The following ROBO1 variants were observed in gnomAD, a reference collection of about 807,000 sequenced individuals.
ROBO1 encodes roundabout homolog 1.
In ROBO1, 149 loss-of-function variants were observed where a neutral mutation model predicts 195.9. That is an observed-to-expected ratio of 0.76 (90% CI 0.67 to 0.87). The LOEUF is 0.87. ROBO1 is among the 40% of genes least tolerant of loss of function. The probability of loss-of-function intolerance (pLI) is 0.00; values close to 1 mark genes in which losing one functional copy is unlikely to be tolerated. For missense variants in ROBO1, 1,933 were observed against 2,068.3 expected (o/e 0.93, Z 1.27); for synonymous variants, 816 against 733.2 (o/e 1.11, Z -1.82).
chr3:78,974,345 G>GA (rs941884296), intron 3 of ROBO1, among the ~76,000 whole-genome samples: 1 of 151,550 alleles, frequency 6.6e-6, no homozygotes, highest in Admixed American at 6.6e-5. Context: ...AAAAGAAGAA[G>GA]AAAAAAAAGG....
intron 1 of ROBO1, among the ~76,000 whole-genome samples, chr3:79,651,208 T>C (rs553301272): frequency 2.6e-5 from 4 of 152,240 alleles, no homozygotes; most frequent in Admixed American, 2.0e-4. Flanking sequence ...CATTAGCTCT[T>C]AGGAGAAGAA....
chr3:79,545,161 G>C (rs762789832), intron 2 of ROBO1, among the ~76,000 whole-genome samples: 2 of 152,124 alleles, frequency 1.3e-5, no homozygotes, highest in Non-Finnish European at 2.9e-5. Context: ...ATAAACTGCA[G>C]AGTTCCAAGG....
intron 2 of ROBO1, among the ~76,000 whole-genome samples, chr3:79,365,629 G>T (rs933970871): frequency 1.1e-4 from 16 of 152,108 alleles, no homozygotes; most frequent in Non-Finnish European, 2.4e-4. Context: ...CGGGCACGGT[G>T]GCTTAAGCCT....
At chr3:79,431,244 T>G (rs2107030469) in intron 2 of ROBO1, among the ~76,000 whole-genome samples, 1 of 152,272 alleles carries the variant, frequency 6.6e-6, no homozygotes, top group Non-Finnish European at 1.5e-5. Flanking sequence ...GTCTTCATGC[T>G]GTTTCCCAAA....
intron 2 of ROBO1, among the ~76,000 whole-genome samples, chr3:79,464,669 T>G (rs1333938622): frequency 1.3e-5 from 2 of 152,236 alleles, no homozygotes; most frequent in Non-Finnish European, 2.9e-5. Flanking sequence ...GATTTGCATA[T>G]ATTTTTCCCA....
chr3:78,655,258 A>G (rs999539985), intron 18 of ROBO1, among the ~76,000 whole-genome samples: 3 of 152,178 alleles, frequency 2.0e-5, no homozygotes, highest in African/African-American at 7.2e-5. Context: ...TTTTTCCCTA[A>G]AAGCTTGAAT....
chr3:79,099,663 A>T (rs572391534), intron 3 of ROBO1, among the ~76,000 whole-genome samples: 1 of 151,964 alleles, frequency 6.6e-6, no homozygotes, highest in Non-Finnish European at 1.5e-5. Flanking sequence ...CCATCATTTA[A>T]AAATAAGAAT....
chr3:79,305,933 A>G (rs1283507499), intron 2 of ROBO1, among the ~76,000 whole-genome samples: 1 of 152,200 alleles, frequency 6.6e-6, no homozygotes, highest in Non-Finnish European at 1.5e-5. Flanking sequence ...TTGAAAAACT[A>G]TAGGATAGCC....
intron 2 of ROBO1, among the ~76,000 whole-genome samples, chr3:79,422,990 G>GA (rs56202539): frequency 0.53 from 80,876 of 151,730 alleles, 21,658 homozygotes; most frequent in East Asian, 0.62. Flanking sequence ...CTACTGTATA[G>GA]AAAAAACCAC....
At chr3:78,707,827 C>CA (rs1344119816) in intron 8 of ROBO1, among the ~76,000 whole-genome samples, 1 of 152,172 alleles carries the variant, frequency 6.6e-6, no homozygotes, top group Non-Finnish European at 1.5e-5. Context: ...GCTGGCCCTG[C>CA]ACTCAGCCCT....
rs1421967882 is a variant in ROBO1, at chr3:78,746,765, T to G, written c.635A>C (p.Asp212Ala). Residue 212 changes from aspartate (D) to alanine (A), a missense_variant, in exon 5 of 31, where the codon GAT (aspartate) becomes GCT (alanine). Transcript: ENST00000464233. ...ISWKKDGSPL[D>A]DKDERITIRG... ...CACAGTTATTCTTTCATCTTTATCATCCAGTGGAGAGCCATCTTTCTTCCA... is the reference window on the plus strand; with the variant it reads ...CACAGTTATTCTTTCATCTTTATCAGCCAGTGGAGAGCCATCTTTCTTCCA... The G allele has an allele frequency of 1.3e-6, 2 of 1,558,764 alleles. No homozygotes were observed. The highest frequency in any genetic ancestry group is 2.4e-5 in the South Asian group (2 of 84,012).
At chr3:79,191,344 T>C (rs2081536149) in intron 2 of ROBO1, among the ~76,000 whole-genome samples, 1 of 151,474 alleles carries the variant, frequency 6.6e-6, no homozygotes, top group African/African-American at 2.4e-5. Flanking sequence ...TAACTCACTG[T>C]TTTAATATCA....
At chr3:79,635,314 A>C (rs1392016604) in intron 1 of ROBO1, among the ~76,000 whole-genome samples, 1 of 152,202 alleles carries the variant, frequency 6.6e-6, no homozygotes, top group African/African-American at 2.4e-5. Flanking sequence ...AAAGAAGCAA[A>C]TTGCTAATTT....
chr3:78,599,575 A>ATGAT (rs1703047821), intron 30 of ROBO1, among the ~76,000 whole-genome samples: 1 of 152,192 alleles, frequency 6.6e-6, no homozygotes, highest in Non-Finnish European at 1.5e-5. Flanking sequence ...GGGAGAATTT[A>ATGAT]TGATATGTCA....
At chr3:79,135,201 T>C (rs910183846) in intron 2 of ROBO1, among the ~76,000 whole-genome samples, 2 of 152,082 alleles carry the variant, frequency 1.3e-5, no homozygotes, top group African/African-American at 2.4e-5. Flanking sequence ...AACCCCCACA[T>C]CTATTAAGTG....
chr3:79,499,867 C>G (rs1024871871), intron 2 of ROBO1, among the ~76,000 whole-genome samples: 1 of 152,058 alleles, frequency 6.6e-6, no homozygotes, highest in Admixed American at 6.5e-5. Flanking sequence ...AGTGATGGGG[C>G]GCAATCTTGG....
At chr3:79,217,113 A>C (rs952658653) in intron 2 of ROBO1, among the ~76,000 whole-genome samples, 1 of 152,126 alleles carries the variant, frequency 6.6e-6, no homozygotes, top group African/African-American at 2.4e-5. Context: ...TGTCAGTTAC[A>C]TACATAATTC....
At chr3:79,332,021 T>TA (rs1377794054) in intron 2 of ROBO1, among the ~76,000 whole-genome samples, 1 of 151,778 alleles carries the variant, frequency 6.6e-6, no homozygotes, top group East Asian at 1.9e-4. Flanking sequence ...CGGGCGCCTG[T>TA]AGTCCCAGGT....
chr3:78,703,995 T>A (rs1434383696), intron 8 of ROBO1, among the ~76,000 whole-genome samples: 1 of 152,050 alleles, frequency 6.6e-6, no homozygotes, highest in Non-Finnish European at 1.5e-5. Context: ...ATATCAAGGT[T>A]CTTAAAATTG....
Sources: gnomAD v4.1 joint callset for allele counts (sites outside exome capture counted in the v4.1 genomes callset) on GRCh38, gnomAD v4.1.1 for gene constraint, MANE v1.5 for transcripts, NCBI Gene and HGNC (gene_info 2026-07-23, HGNC 2026-07-21) for gene names.